Variants in AUH observed in about 807,000 individuals in gnomAD.
AUH encodes the protein AU RNA binding methylglutaconyl-CoA hydratase.
A neutral mutation model predicts 42.3 loss-of-function variants in AUH; 29 were observed. That is an observed-to-expected ratio of 0.69 (90% CI 0.51 to 0.93). The LOEUF is 0.93. Ranked by LOEUF, AUH falls within the 40% of genes least tolerant of loss-of-function variation. The pLI is 0.00. For synonymous variants in AUH, 174 were observed against 166.4 expected (o/e 1.05, Z -0.35); for missense variants, 452 against 438.1 (o/e 1.03, Z -0.28).
intron 1 of AUH, chr9:91,357,549 A>G (rs1318449563): frequency 3.3e-6 from 3 of 905,814 alleles, no homozygotes; most frequent in Non-Finnish European, 4.0e-6. Context: ...AATCATAGAA[A>G]TCATTAATAA....
At chr9:91,285,469 AT>A (rs1169533217) in intron 6 of AUH, among the ~76,000 whole-genome samples, 1 of 151,924 alleles carries the variant, frequency 6.6e-6, no homozygotes, top group African/African-American at 2.4e-5. Context: ...AAAAAAAAAA[AT>A]CTTGGTGATG....
At chr9:91,328,844 C>A (rs1830133090) in intron 3 of AUH, among the ~76,000 whole-genome samples, 1 of 152,130 alleles carries the variant, frequency 6.6e-6, no homozygotes, top group Admixed American at 6.5e-5. Flanking sequence ...ACTAAATTTA[C>A]AGAGTTGTAC....
intron 9 of AUH, among the ~76,000 whole-genome samples, chr9:91,214,878 T>C (rs1294435760): frequency 6.6e-6 from 1 of 152,258 alleles, no homozygotes; most frequent in Non-Finnish European, 1.5e-5. Flanking sequence ...TATTGATTTC[T>C]AGTTTAATTC....
intron 4 of AUH, among the ~76,000 whole-genome samples, chr9:91,304,495 C>A (rs1364588810): frequency 2.0e-5 from 3 of 152,180 alleles, no homozygotes; most frequent in Admixed American, 6.5e-5. Flanking sequence ...AGCCTCACTG[C>A]AGTGCTGCAG....
intron 6 of AUH, among the ~76,000 whole-genome samples, chr9:91,257,733 C>A (rs183525034): frequency 6.6e-6 from 1 of 152,168 alleles, no homozygotes; most frequent in African/African-American, 2.4e-5. Context: ...AGTGTTTAAT[C>A]TACCAACTTT....
At chr9:91,267,011 C>A (rs769485706) in intron 6 of AUH, among the ~76,000 whole-genome samples, 8 of 152,118 alleles carry the variant, frequency 5.3e-5, no homozygotes, top group Non-Finnish European at 1.0e-4. Flanking sequence ...AGGAGCAAAA[C>A]CAGATCTCCA....
intron 4 of AUH, among the ~76,000 whole-genome samples, chr9:91,320,341 A>G (rs536241110): frequency 6.6e-6 from 1 of 152,322 alleles, no homozygotes; most frequent in African/African-American, 2.4e-5. Flanking sequence ...ACCTAACTTA[A>G]TAGGTAGAAA....
chr9:91,312,400 AG>A (rs1198126639), intron 4 of AUH, among the ~76,000 whole-genome samples: 30 of 152,326 alleles, frequency 2.0e-4, no homozygotes, highest in Admixed American at 5.2e-4. Context: ...CACAATTTAA[AG>A]ATGCCTATGG....
At position 91,243,067 on chromosome 9, in the gene AUH, A is replaced by G. The variant is rs562468755; in HGVS notation, c.656-22075T>C. ...CTCTTATAATGTTTCAAAGAATCCTATGAGGTCACTATCATAATTATCTTC... is the reference window on the plus strand; with the variant it reads ...CTCTTATAATGTTTCAAAGAATCCTGTGAGGTCACTATCATAATTATCTTC... On this transcript the variant is annotated intron_variant, in intron 6 of 9. Coordinates refer to ENST00000375731, the MANE Select transcript of AUH (RefSeq NM_001698.3). 1.8e-3 allele frequency among the ~76,000 whole-genome samples: 278 copies of G among 152,352 alleles called. 2 individuals are homozygous for G. The highest frequency in any genetic ancestry group is 3.2e-3 in the Non-Finnish European group (217 of 68,032).
chr9:91,259,548 T>C lies in AUH; in HGVS notation c.655+36473A>G, dbSNP rs192450408. Among the ~76,000 whole-genome samples the C allele has an allele frequency of 9.2e-5, 14 of 152,272 alleles. No homozygotes were observed. The East Asian group carries it at 2.3e-3, about 25-fold the overall frequency. On this transcript the variant is annotated intron_variant, in intron 6 of 9. Coordinates refer to ENST00000375731, the MANE Select transcript of AUH (RefSeq NM_001698.3). ...AGGTAAAAGTTTAGATCACTGATTC[T>C]AGACCTTTTTTCCTAAGATTTTAAA...
intron 3 of AUH, among the ~76,000 whole-genome samples, chr9:91,345,470 A>T (rs1831425266): frequency 6.6e-6 from 1 of 152,228 alleles, no homozygotes; most frequent in African/African-American, 2.4e-5. Context: ...TGAAAAACTT[A>T]GAAATAAATT....
intron 4 of AUH, among the ~76,000 whole-genome samples, chr9:91,317,366 T>TAAAATTACAATAAA (rs1179877224): frequency 6.6e-6 from 1 of 152,218 alleles, no homozygotes; most frequent in Non-Finnish European, 1.5e-5. Context: ...TTTTTAAACA[T>TAAAATTACAATAAA]GTTACAATAA....
chr9:91,341,697 G>A (rs748931671), intron 3 of AUH, among the ~76,000 whole-genome samples: 3 of 152,216 alleles, frequency 2.0e-5, no homozygotes, highest in Admixed American at 6.5e-5. Flanking sequence ...GCCAGGCACT[G>A]TTCTGGCAAT....
intron 4 of AUH, among the ~76,000 whole-genome samples, chr9:91,310,219 T>A (rs1587830543): frequency 1.3e-5 from 2 of 152,342 alleles, no homozygotes; most frequent in Middle Eastern, 3.4e-3. Flanking sequence ...TTCTCAGTCA[T>A]GTCCTAAGAG....
At chr9:91,286,235 A>C (rs1826394710) in intron 6 of AUH, among the ~76,000 whole-genome samples, 1 of 152,138 alleles carries the variant, frequency 6.6e-6, no homozygotes, top group Non-Finnish European at 1.5e-5. Flanking sequence ...ACACACTCAC[A>C]GGATTTAAAA....
intron 4 of AUH, among the ~76,000 whole-genome samples, chr9:91,298,622 A>T (rs1827539064): frequency 6.6e-6 from 1 of 152,210 alleles, no homozygotes; most frequent in Non-Finnish European, 1.5e-5. Context: ...GGAGCTGGAA[A>T]ACAATCAGGC....
rs1237684977 is a variant in AUH, at chr9:91,297,943, T to TCA, written c.598+39_598+40dup. On this transcript the variant is annotated intron_variant, in intron 5 of 9. Coordinates refer to ENST00000375731, the MANE Select transcript of AUH (RefSeq NM_001698.3). ...ATTACCTGAAGAGTAAACACAACCT[T>TCA]CACTTTTTTAAATTATGTTTTTAAC... 2.1e-6 allele frequency: 3 copies of TCA among 1,441,038 alleles called. No homozygotes were observed. In the African/African-American group the frequency reaches 4.2e-5, roughly 20 times the overall value. 89.3% of individuals were successfully genotyped at this position (1,441,038 alleles called of 1,614,324 possible).
intron 3 of AUH, among the ~76,000 whole-genome samples, chr9:91,351,670 G>A (rs553369216): frequency 6.6e-6 from 1 of 152,314 alleles, no homozygotes; most frequent in Admixed American, 6.5e-5. Flanking sequence ...TACTGCTTGA[G>A]CTCTGCCTCC....
At chr9:91,220,721 A>G (rs1827082048) in intron 7 of AUH, 84 bp downstream of exon 7, 1 of 1,486,738 alleles carries the variant, frequency 6.7e-7, no homozygotes, top group Non-Finnish European at 9.2e-7. Flanking sequence ...GACTTCTTCC[A>G]TAGGCAAGAT....
Sources: gnomAD v4.1 joint callset for allele counts (sites outside exome capture counted in the v4.1 genomes callset) on GRCh38, gnomAD v4.1.1 for gene constraint, MANE v1.5 for transcripts, NCBI Gene and HGNC (gene_info 2026-07-23, HGNC 2026-07-21) for gene names.